The following NDUFAF6 variants were observed in gnomAD, a reference collection of about 807,000 sequenced individuals.
NDUFAF6 encodes the protein NADH dehydrogenase (ubiquinone) complex I, assembly factor 6.
Under a neutral mutation model 40.8 loss-of-function variants are expected in NDUFAF6, and 45 were observed. That is an observed-to-expected ratio of 1.10 (90% CI 0.87 to 1.42). NDUFAF6 has a LOEUF of 1.42. NDUFAF6 is among the 40% of genes most tolerant of loss of function. The probability of loss-of-function intolerance (pLI) is 0.00; values close to 1 mark genes in which losing one functional copy is unlikely to be tolerated. For synonymous variants in NDUFAF6, 185 were observed against 155.9 expected, an observed-to-expected ratio of 1.19 and a Z score of -1.39; for missense variants, 435 against 418.5, an observed-to-expected ratio of 1.04 and a Z score of -0.34.
At chr8:95,004,732 G>A (rs1382616906) in intron 2 of NDUFAF6, among the ~76,000 whole-genome samples, 2 of 152,120 alleles carry the variant, frequency 1.3e-5, no homozygotes, top group Non-Finnish European at 2.9e-5. Context: ...ACAAACAAAG[G>A]TAGTGAGGGC....
intron 2 of NDUFAF6, among the ~76,000 whole-genome samples, chr8:94,986,125 A>G (rs1825886770): frequency 6.6e-6 from 1 of 152,034 alleles, no homozygotes; most frequent in Non-Finnish European, 1.5e-5. Context: ...TGCCTGCCTC[A>G]GCCTCCCAAA....
intron 1 of NDUFAF6, among the ~76,000 whole-genome samples, chr8:94,931,582 TTTA>T (rs1286487894): frequency 1.2e-5 from 1 of 82,284 alleles, no homozygotes; most frequent in Non-Finnish European, 2.2e-5. Context: ...AACACACATA[TTTA>T]TTACACACAC....
chr8:94,995,763 T>C (rs890605411), intron 2 of NDUFAF6, among the ~76,000 whole-genome samples: 4 of 152,180 alleles, frequency 2.6e-5, no homozygotes, highest in African/African-American at 4.8e-5. Flanking sequence ...CTTCCCTCAG[T>C]GTTCCAGGCT....
chr8:95,102,897 G>C (rs1054957733), intron 2 of NDUFAF6: 1 of 152,112 alleles, frequency 6.6e-6, no homozygotes, highest in Non-Finnish European at 1.5e-5. Flanking sequence ...CTCAACAAAC[G>C]ATGAAGGGTA....
upstream of NDUFAF6, among the ~76,000 whole-genome samples, chr8:94,955,640 A>G (rs575626130): frequency 9.8e-4 from 150 of 152,374 alleles, 1 homozygote; most frequent in Middle Eastern, 0.014. Flanking sequence ...AAATAGATTA[A>G]AAGGAAATAG....
intron 8 of NDUFAF6, among the ~76,000 whole-genome samples, chr8:95,056,962 A>T (rs1417581299): frequency 1.3e-5 from 2 of 152,150 alleles, no homozygotes; most frequent in Admixed American, 6.5e-5. Context: ...ATATTTATAA[A>T]AGTATAGGAA....
At chr8:95,048,339 G>T in intron 6 of NDUFAF6, 118 bp from the exon 7 acceptor site, 2 of 752,362 alleles carry the variant, frequency 2.7e-6, no homozygotes, top group East Asian at 2.7e-5. Flanking sequence ...ATACTGTTCT[G>T]TCACGTGTTC....
intron 3 of NDUFAF6, among the ~76,000 whole-genome samples, chr8:95,040,534 A>G (rs1445027420): frequency 1.3e-5 from 2 of 152,198 alleles, no homozygotes; most frequent in African/African-American, 4.8e-5. Flanking sequence ...CAAAATGATA[A>G]CTTCTCAACT....
At chr8:95,023,878 C>A (rs1402233980), upstream of NDUFAF6, among the ~76,000 whole-genome samples, 1 of 151,930 alleles carries the variant, frequency 6.6e-6, no homozygotes. Flanking sequence ...GTAGTCCCAG[C>A]TACTCGGGAG....
chr8:94,905,610 G>A (rs1425020670), intron 1 of NDUFAF6, among the ~76,000 whole-genome samples: 1 of 152,170 alleles, frequency 6.6e-6, no homozygotes, highest in Admixed American at 6.5e-5. Flanking sequence ...TTCCTACCAA[G>A]GTACTCCTCT....
At chr8:94,976,270 C>G (rs1302936143) in intron 1 of NDUFAF6, among the ~76,000 whole-genome samples, 1 of 151,338 alleles carries the variant, frequency 6.6e-6, no homozygotes, top group Non-Finnish European at 1.5e-5. Flanking sequence ...CTTTGGGAGG[C>G]AGAGGCAGGC....
intron 1 of NDUFAF6, among the ~76,000 whole-genome samples, chr8:94,958,736 C>T (rs527463833): frequency 6.6e-6 from 1 of 151,948 alleles, no homozygotes; most frequent in Non-Finnish European, 1.5e-5. Flanking sequence ...GCCTCAAACT[C>T]CTGACCTCAG....
chr8:94,928,811 A>G (rs1277218009), intron 1 of NDUFAF6: 1 of 152,350 alleles, frequency 6.6e-6, no homozygotes, highest in African/African-American at 2.4e-5. Context: ...CTACAGGGTT[A>G]TTGAAAAATA....
At chr8:95,005,307 A>G (rs1050562252) in intron 2 of NDUFAF6, among the ~76,000 whole-genome samples, 2 of 152,024 alleles carry the variant, frequency 1.3e-5, no homozygotes, top group Non-Finnish European at 2.9e-5. Context: ...ACCATTCACA[A>G]GGGTTTCTTT....
chr8:95,053,274 C>T (rs772795344), intron 8 of NDUFAF6, among the ~76,000 whole-genome samples: 3 of 152,046 alleles, frequency 2.0e-5, no homozygotes, highest in South Asian at 2.1e-4. Flanking sequence ...ACAATTCTAC[C>T]GTATCTAGAG....
intron 1 of NDUFAF6, among the ~76,000 whole-genome samples, chr8:94,931,609 C>CATATATAT (rs1554629448): frequency 0.015 from 2,221 of 151,660 alleles, 60 homozygotes; most frequent in African/African-American, 0.05. Context: ...CACACACACA[C>CATATATAT]ATAAAATTTT....
At chr8:94,938,706 C>T (rs1030119291) in intron 1 of NDUFAF6, among the ~76,000 whole-genome samples, 3 of 152,198 alleles carry the variant, frequency 2.0e-5, no homozygotes, top group African/African-American at 7.2e-5. Flanking sequence ...TGGAGGTTCC[C>T]GGAGGGTGGG....
chr8:94,923,428 A>ATAG (rs966796999), intron 1 of NDUFAF6, among the ~76,000 whole-genome samples: 3 of 152,196 alleles, frequency 2.0e-5, no homozygotes, highest in African/African-American at 7.2e-5. Flanking sequence ...AACATTACTA[A>ATAG]TAGTTCTAAA....
At chr8:95,026,284 A>G (rs978853210) in intron 1 of NDUFAF6, among the ~76,000 whole-genome samples, 16 of 152,190 alleles carry the variant, frequency 1.1e-4, no homozygotes, top group African/African-American at 3.4e-4. Context: ...TCTGGCCAAC[A>G]TGGCGAAACC....
Sources: gnomAD v4.1 joint callset for allele counts (sites outside exome capture counted in the v4.1 genomes callset) on GRCh38, gnomAD v4.1.1 for gene constraint, MANE v1.5 for transcripts, NCBI Gene and HGNC (gene_info 2026-07-23, HGNC 2026-07-21) for gene names.